The following FAM110B variants were observed in gnomAD, a reference collection of about 807,000 sequenced individuals.
FAM110B encodes the protein family with sequence similarity 110 member B, also known as protein FAM110B.
Under a neutral mutation model 20.4 loss-of-function variants are expected in FAM110B, and 6 were observed. The ratio of observed to expected loss-of-function variants is 0.29; its 90% CI spans 0.16 to 0.58. FAM110B has a LOEUF of 0.58. FAM110B is among the 20% of genes least tolerant of loss of function. The pLI is 0.90. For missense variants in FAM110B, 434 were observed against 498.2 expected, an observed-to-expected ratio of 0.87 and a Z score of 1.23; for synonymous variants, 226 against 214.1, an observed-to-expected ratio of 1.06 and a Z score of -0.49.
intron 1 of FAM110B, among the ~76,000 whole-genome samples, chr8:58,026,728 A>C (rs569420321): frequency 1.3e-5 from 2 of 152,336 alleles, no homozygotes; most frequent in South Asian, 2.1e-4. Context: ...CTGGTTAGCT[A>C]TCATTGTATG....
At chr8:58,134,066 G>A (rs912880593) in intron 3 of FAM110B, among the ~76,000 whole-genome samples, 5 of 151,534 alleles carry the variant, frequency 3.3e-5, no homozygotes, top group Non-Finnish European at 7.4e-5. Context: ...ATCGTCTTAC[G>A]TGTCTTATTT....
intron 3 of FAM110B, among the ~76,000 whole-genome samples, chr8:58,089,998 A>G (rs1165687912): frequency 2.6e-5 from 4 of 152,156 alleles, no homozygotes; most frequent in African/African-American, 9.7e-5. Flanking sequence ...AGGTCCACTT[A>G]TATTTTCTTC....
chr8:58,076,366 G>A (rs1806036844), intron 3 of FAM110B, among the ~76,000 whole-genome samples: 1 of 152,194 alleles, frequency 6.6e-6, no homozygotes, highest in Admixed American at 6.5e-5. Flanking sequence ...GGCCCCTTAA[G>A]GGAGGCAGGG....
chr8:58,035,568 C>A (rs1219271868), intron 2 of FAM110B, among the ~76,000 whole-genome samples: 1 of 152,168 alleles, frequency 6.6e-6, no homozygotes, highest in Non-Finnish European at 1.5e-5. Flanking sequence ...CCCTCCTGGC[C>A]ATAGAGACCT....
chr8:58,089,816 A>G (rs1585876784), intron 3 of FAM110B, among the ~76,000 whole-genome samples: 1 of 152,388 alleles, frequency 6.6e-6, no homozygotes, highest in East Asian at 1.9e-4. Context: ...AATGGCATCA[A>G]AACTATTGCT....
chr8:57,999,690 G>T (rs1380110229), intron 1 of FAM110B, among the ~76,000 whole-genome samples: 1 of 152,192 alleles, frequency 6.6e-6, no homozygotes, highest in Non-Finnish European at 1.5e-5. Context: ...GAAAGACAAG[G>T]TTCCTTCCTC....
At position 58,049,099 on chromosome 8, in the gene FAM110B, G is replaced by A. The variant is rs565575471; in HGVS notation, c.-414+17396G>A. Among the ~76,000 whole-genome samples the A allele has an allele frequency of 2.0e-5, 3 of 152,246 alleles. No individual in the cohort carries two copies. In the East Asian group the frequency reaches 5.8e-4, roughly 29 times the overall value. ...TTACTCTGCCATCTCAAGAATACATGTATTGTCATTTTAGATTGCTGGGTC... is the reference window on the plus strand; with the variant it reads ...TTACTCTGCCATCTCAAGAATACATATATTGTCATTTTAGATTGCTGGGTC... On this transcript the variant is annotated intron_variant, in intron 2 of 3. Transcript: ENST00000519262.
At chr8:58,145,716 C>A (rs1476976293) in intron 3 of FAM110B, among the ~76,000 whole-genome samples, 191 bp from the exon 4 acceptor site, 2 of 152,228 alleles carry the variant, frequency 1.3e-5, no homozygotes, top group African/African-American at 4.8e-5. Context: ...TGTGCTGCCG[C>A]GCGTCGGCGC....
Position 58,094,377 on chromosome 8 carries a change from T to C in FAM110B, c.-325+18754T>C, listed in dbSNP as rs984544711. 6.6e-5 allele frequency among the ~76,000 whole-genome samples: 10 copies of C among 152,264 alleles called. No homozygotes were observed. In the South Asian group the frequency reaches 1.5e-3, roughly 22 times the overall value. On this transcript the variant is annotated intron_variant, in intron 3 of 3. Coordinates refer to ENST00000519262, the MANE Select transcript of FAM110B (RefSeq NM_001377989.1). ...TTTTGCCCATTCAGTATGATATTGATTGTGGGTTTGTCATAAATAGCTCTT... is the reference window on the plus strand; with the variant it reads ...TTTTGCCCATTCAGTATGATATTGACTGTGGGTTTGTCATAAATAGCTCTT...
At chr8:58,134,495 T>G (rs1211515245) in intron 3 of FAM110B, among the ~76,000 whole-genome samples, 3 of 152,240 alleles carry the variant, frequency 2.0e-5, no homozygotes, top group African/African-American at 7.2e-5. Context: ...TTATCTGACA[T>G]TTTCATTGGG....
chr8:58,088,818 A>C (rs1411705854), intron 3 of FAM110B, among the ~76,000 whole-genome samples: 2 of 152,198 alleles, frequency 1.3e-5, no homozygotes, highest in Non-Finnish European at 2.9e-5. Context: ...TTTTGATCAG[A>C]GGGCTCATGG....
At chr8:58,123,889 A>C (rs754557562) in intron 3 of FAM110B, among the ~76,000 whole-genome samples, 1 of 152,244 alleles carries the variant, frequency 6.6e-6, no homozygotes, top group Non-Finnish European at 1.5e-5. Context: ...TGAGTTAATT[A>C]AGAGTGTTTG....
intron 2 of FAM110B, among the ~76,000 whole-genome samples, chr8:58,048,829 T>A (rs1312040132): frequency 6.6e-6 from 1 of 152,116 alleles, no homozygotes; most frequent in Admixed American, 6.5e-5. Context: ...GTTTCAGAAA[T>A]TTTTTTTAGG....
intron 2 of FAM110B, among the ~76,000 whole-genome samples, chr8:58,061,157 T>C (rs914893336): frequency 3.9e-5 from 6 of 152,212 alleles, no homozygotes; most frequent in Non-Finnish European, 8.8e-5. Context: ...AATGTGAAGA[T>C]CATGCTTACC....
chr8:58,030,783 G>A (rs1337135748), intron 1 of FAM110B, among the ~76,000 whole-genome samples: 1 of 152,282 alleles, frequency 6.6e-6, no homozygotes, highest in South Asian at 2.1e-4. Context: ...AGATGCTGGA[G>A]GAGAAGACGG....
chr8:58,006,901 G>C (rs957554264), intron 1 of FAM110B, among the ~76,000 whole-genome samples: 1 of 97,496 alleles, frequency 1.0e-5, no homozygotes, highest in Non-Finnish European at 2.2e-5. Flanking sequence ...GGCTTAATTG[G>C]TATATATATA....
intron 3 of FAM110B, among the ~76,000 whole-genome samples, chr8:58,088,912 A>C (rs965030707): frequency 3.9e-5 from 6 of 152,214 alleles, no homozygotes; most frequent in Admixed American, 6.5e-5. Context: ...CAAGAGTTTT[A>C]TATTCTCATG....
At position 58,038,970 on chromosome 8, in the gene FAM110B, C is replaced by T. The variant is rs138184870; in HGVS notation, c.-414+7267C>T. ...CACCCGCTGTGCGGTGCCAGAAAGA[C>T]GTGGCTCTTGATTGAGAAGCACATA... On this transcript the variant is annotated intron_variant, in intron 2 of 3. Coordinates refer to ENST00000519262, the MANE Select transcript of FAM110B (RefSeq NM_001377989.1). 1.4e-3 allele frequency among the ~76,000 whole-genome samples: 219 copies of T among 152,334 alleles called. 2 individuals are homozygous for T. The highest frequency in any genetic ancestry group is 4.9e-3 in the African/African-American group (203 of 41,588).
intron 2 of FAM110B, among the ~76,000 whole-genome samples, chr8:58,072,010 T>A (rs1805911277): frequency 6.6e-6 from 1 of 152,080 alleles, no homozygotes; most frequent in Admixed American, 6.5e-5. Flanking sequence ...CTCGTTTCCC[T>A]CCCTCCCTCT....
Sources: gnomAD v4.1 joint callset for allele counts (sites outside exome capture counted in the v4.1 genomes callset) on GRCh38, gnomAD v4.1.1 for gene constraint, MANE v1.5 for transcripts, NCBI Gene and HGNC (gene_info 2026-07-23, HGNC 2026-07-21) for gene names.